Variants in DDX24 observed in about 807,000 individuals in gnomAD.
DDX24 encodes the protein ATP-dependent RNA helicase DDX24.
In DDX24, 24 loss-of-function variants were observed where a neutral mutation model predicts 68.9. The observed-to-expected ratio is 0.35, with a 90% CI of 0.25 to 0.49. The LOEUF (loss-of-function observed/expected upper bound fraction) is 0.49, where lower values mean the gene tolerates loss of function less well. Among genes scored for constraint, DDX24 ranks in the 20% least tolerant of loss-of-function variants. The probability of loss-of-function intolerance (pLI) is 0.99; values close to 1 mark genes in which losing one functional copy is unlikely to be tolerated. For synonymous variants in DDX24, 395 were observed against 385.2 expected (o/e 1.03, Z -0.30); for missense variants, 989 against 1,039.0 (o/e 0.95, Z 0.66).
chr14:94,074,405 A>G (rs28862899), intron 2 of DDX24, among the ~76,000 whole-genome samples: 15,885 of 152,280 alleles, frequency 0.1, 910 homozygotes, highest in Non-Finnish European at 0.13. Context: ...CAGGAATGTA[A>G]GTCTAATTTC....
chr14:94,065,603 T>C (rs1374943897), intron 2 of DDX24, among the ~76,000 whole-genome samples: 2 of 152,018 alleles, frequency 1.3e-5, no homozygotes, highest in Admixed American at 6.5e-5. Context: ...AAACCAGTAA[T>C]CCTGAGAGGA....
intron 1 of DDX24, among the ~76,000 whole-genome samples, chr14:94,080,724 C>A (rs9806041): frequency 0.53 from 80,086 of 151,432 alleles, 23,165 homozygotes; most frequent in African/African-American, 0.78. Flanking sequence ...CAAAAAAAAA[C>A]ACAAAGAAAC....
chr14:94,057,858 C>CA lies in DDX24; in HGVS notation c.1952dup (p.Asp652GlyfsTer4). ...TGACATGCTGGACTTTAGGAATATC[C>CA]AGACCCCGAGCTGCCACATCTGTTG... is the stretch of plus-strand genomic sequence containing the variant. On this transcript the variant is annotated frameshift_variant, in exon 6 of 9. Coordinates refer to ENST00000621632, the MANE Select transcript of DDX24 (RefSeq NM_020414.4). LOFTEE classifies it high-confidence loss of function. 1 of 1,613,934 alleles carries CA rather than the reference C, an allele frequency of 6.2e-7. No homozygotes were observed. Among genetic ancestry groups the CA allele is most frequent in the Non-Finnish European group, 8.5e-7 (1 of 1,179,952 alleles).
In DDX24 at chr14:94,079,052, G is replaced by T. The variant is rs766255852; in HGVS notation, c.691C>A (p.Leu231Met). Residue 231 changes from leucine (L) to methionine (M), a missense_variant, in exon 2 of 9, where the codon CTG becomes ATG. Transcript: ENST00000621632. ...GTCTCAGCAGCCCCAAGGATGTCCAGTTTGTCACGGATGGCAGGTGCCAAG... is the reference window on the plus strand; with the variant it reads ...GTCTCAGCAGCCCCAAGGATGTCCATTTTGTCACGGATGGCAGGTGCCAAG... ...LTLAPAIRDK[L>M]DILGAAETGS... 1 of 1,614,068 alleles carries T rather than the reference G, an allele frequency of 6.2e-7. No homozygotes were observed.
chr14:94,079,946 G>A (rs1886029835), intron 1 of DDX24, among the ~76,000 whole-genome samples, 199 bp from the exon 2 acceptor site: 1 of 152,018 alleles, frequency 6.6e-6, no homozygotes, highest in African/African-American at 2.4e-5. Flanking sequence ...GTACACATGT[G>A]ATGGAACAAA....
At chr14:94,058,145 T>G (rs1033756563) in intron 5 of DDX24, among the ~76,000 whole-genome samples, 1 of 152,062 alleles carries the variant, frequency 6.6e-6, no homozygotes, top group African/African-American at 2.4e-5. Context: ...TGCCATACTC[T>G]GCAATGATAA....
chr14:94,068,653 ATC>A (rs1885758445), intron 2 of DDX24, among the ~76,000 whole-genome samples: 1 of 152,238 alleles, frequency 6.6e-6, no homozygotes, highest in African/African-American at 2.4e-5. Context: ...TTGAAATTAT[ATC>A]AAGCACTCTC....
chr14:94,079,771 T>C, intron 1 of DDX24, 24 bp from the exon 2 acceptor site: 1 of 1,598,600 alleles, frequency 6.3e-7, no homozygotes, highest in Non-Finnish European at 8.5e-7. Flanking sequence ...ACATGTTCTA[T>C]TAGGTTGGTG....
chr14:94,079,563 G>A lies in DDX24; in HGVS notation c.180C>T (p.Ser60=). Residue 60 remains serine, a synonymous_variant, in exon 2 of 9, where the codon TCC becomes TCT. Transcript: ENST00000621632. ...FEELTDYQLV[S]PAKNPSSLFS... is the part of the protein sequence containing the mutation. ...AGAGACTGGAGGGATTCTTGGCAGG[G>A]GAGACCAACTGGTAATCTGTCAATT... 1 of 1,614,120 alleles carries A rather than the reference G, an allele frequency of 6.2e-7. No homozygotes were observed. The highest frequency in any genetic ancestry group is 8.5e-7 in the Non-Finnish European group (1 of 1,180,026).
At chr14:94,061,141 C>A in intron 3 of DDX24, 75 bp from the exon 4 acceptor site, 1 of 1,537,670 alleles carries the variant, frequency 6.5e-7, no homozygotes, top group Non-Finnish European at 8.9e-7. Flanking sequence ...CACAGGCACC[C>A]CAGATTAGCA....
At chr14:94,073,577 A>T (rs1318328852) in intron 2 of DDX24, among the ~76,000 whole-genome samples, 1 of 152,222 alleles carries the variant, frequency 6.6e-6, no homozygotes, top group African/African-American at 2.4e-5. Context: ...AGAACAAAAA[A>T]AAATTACTAA....
chr14:94,051,557 C>T, intron 8 of DDX24, 95 bp from the exon 9 acceptor site: 1 of 1,467,068 alleles, frequency 6.8e-7, no homozygotes, highest in South Asian at 1.4e-5. Flanking sequence ...TGTTTTAGAA[C>T]TACTTTAGGG....
At chr14:94,066,105 T>C (rs1372994188) in intron 2 of DDX24, among the ~76,000 whole-genome samples, 4 of 152,096 alleles carry the variant, frequency 2.6e-5, no homozygotes, top group Non-Finnish European at 5.9e-5. Flanking sequence ...CAGATAACCT[T>C]GGGCAAGTTT....
chr14:94,061,344 T>C (rs907802668), intron 3 of DDX24, among the ~76,000 whole-genome samples: 1 of 152,138 alleles, frequency 6.6e-6, no homozygotes, highest in Non-Finnish European at 1.5e-5. Context: ...CAGGTATGCT[T>C]ACCTCCAAAG....
rs780391541 is a variant in DDX24 at position 94,079,083 on chromosome 14, G to T, written c.660C>A (p.Ala220=). 1 of 1,614,158 alleles carries T rather than the reference G, an allele frequency of 6.2e-7. No homozygotes were observed. Among genetic ancestry groups the T allele is most frequent in the South Asian group, 1.1e-5 (1 of 91,082 alleles). ...LGFSAPTPIQ[A]LTLAPAIRDK... is the part of the protein sequence containing the mutation. ...CACGGATGGCAGGTGCCAAGGTCAG[G>T]GCTTGGATTGGTGTGGGTGCAGAGA... Residue 220 remains alanine, a synonymous_variant, in exon 2 of 9, where the codon GCC becomes GCA. Transcript: ENST00000621632.
chr14:94,060,931 C>T lies in DDX24; in HGVS notation c.1379G>A (p.Arg460Lys), dbSNP rs1236916409. The change falls in exon 4 of 9, where the codon AGG becomes AAG. Residue 460 changes from arginine (R) to lysine (K), a missense_variant. Arg to Lys is a conservative substitution (Grantham distance 26). Coordinates refer to ENST00000621632, the MANE Select transcript of DDX24 (RefSeq NM_020414.4). ...ELIKEKHYHL[R>K]NLRQLRCLVV... Reference sequence around the variant, plus strand: ...CTATTACCTGAGCTGCCGAAGGTTCCTCAAATGATAATGCTTTTCTTTAAT... The same window carrying T: ...CTATTACCTGAGCTGCCGAAGGTTCTTCAAATGATAATGCTTTTCTTTAAT... 5.0e-6 allele frequency: 8 copies of T among 1,614,052 alleles called. No individual in the cohort carries two copies. Among genetic ancestry groups the T allele is most frequent in the Non-Finnish European group, 6.8e-6 (8 of 1,180,020 alleles).
Position 94,079,422 on chromosome 14 carries a change from T to C in DDX24, c.321A>G (p.Val107=), listed in dbSNP as rs1306867078. The C allele has an allele frequency of 6.2e-7, 1 of 1,614,074 alleles. No homozygotes were observed. ...KKIKLKKSKN[V]ATEGTSTQKE... is the part of the protein sequence containing the mutation. ...TCTGGGTACTGGTTCCTTCAGTTGC[T>C]ACATTTTTACTTTTCTTCAACTTGA... The change falls in exon 2 of 9, where the codon GTA becomes GTG. Residue 107 remains valine, a synonymous_variant. Transcript: ENST00000621632.
chr14:94,051,669 G>A, intron 8 of DDX24: 1 of 481,118 alleles, frequency 2.1e-6, no homozygotes, highest in Non-Finnish European at 3.5e-6. Context: ...GGACCGCTCT[G>A]TCCTTTTTTA....
intron 2 of DDX24, among the ~76,000 whole-genome samples, chr14:94,072,491 T>C (rs772731498): frequency 1.3e-5 from 2 of 152,172 alleles, no homozygotes; most frequent in African/African-American, 2.4e-5. Context: ...ACTACAAATA[T>C]GGTGTAGCGT....
Sources: gnomAD v4.1 joint callset for allele counts (sites outside exome capture counted in the v4.1 genomes callset) on GRCh38, gnomAD v4.1.1 for gene constraint, MANE v1.5 for transcripts, NCBI Gene and HGNC (gene_info 2026-07-23, HGNC 2026-07-21) for gene names.